The following RSL1D1 variants were observed in gnomAD, a reference collection of about 807,000 sequenced individuals.
RSL1D1 encodes ribosomal L1 domain-containing protein 1.
RSL1D1 carries 34 observed loss-of-function variants against 44.6 expected under a neutral mutation model. The ratio of observed to expected loss-of-function variants is 0.76; its 90% CI spans 0.58 to 1.02. The LOEUF (loss-of-function observed/expected upper bound fraction) is 1.02, where lower values mean the gene tolerates loss of function less well. Ranked by LOEUF, RSL1D1 falls within the 50% of genes least tolerant of loss-of-function variation. The pLI, the probability that RSL1D1 is intolerant of heterozygous loss-of-function variation, is 0.00. For missense variants in RSL1D1, 767 were observed against 568.1 expected (o/e 1.35, Z -3.56); for synonymous variants, 271 against 207.4 (o/e 1.31, Z -2.63).
In RSL1D1 at chr16:11,842,001, C is replaced by A; in HGVS notation, c.636-1G>T. The stretch of plus-strand genomic sequence containing the variant: ...TCCAACGTGACCAATACGTATAGCA[C>A]TGAAATTTAATATAGTATTAGACAA... On this transcript the variant is annotated splice_acceptor_variant, in intron 5 of 8. Transcript: ENST00000571133. LOFTEE classifies it high-confidence loss of function. 6.2e-7 allele frequency: 1 copy of A among 1,604,210 alleles called. No homozygotes were observed. Among genetic ancestry groups the A allele is most frequent in the Non-Finnish European group, 8.5e-7 (1 of 1,174,372 alleles).
rs772278028 is a variant in RSL1D1, at chr16:11,837,910, A to G, written c.1350T>C (p.Asp450=). Residue 450 remains aspartate, a synonymous_variant, in exon 9 of 9, where the codon GAT becomes GAC. Transcript: ENST00000571133. ...KEKSPSLGKK[D]ARQTPKKPEA... The stretch of plus-strand genomic sequence containing the variant: ...CTGGCTTTTTTGGAGTCTGTCTCGC[A>G]TCTTTTTTCCCCAGCGAAGGACTTT... 20 of 1,613,998 alleles carry G rather than the reference A, an allele frequency of 1.2e-5. No homozygotes were observed. Among genetic ancestry groups the G allele is most frequent in the Admixed American group, 1.7e-5 (1 of 59,970 alleles).
chr16:11,841,620 T>C, intron 7 of RSL1D1, 75 bp downstream of exon 7: 7 of 1,373,432 alleles, frequency 5.1e-6, no homozygotes, highest in Non-Finnish European at 7.0e-6. Context: ...GCAGCGATGA[T>C]GGTCTACTTC....
intron 5 of RSL1D1, among the ~76,000 whole-genome samples, chr16:11,844,208 G>C (rs2053783359): frequency 1.3e-5 from 2 of 152,366 alleles, no homozygotes; most frequent in South Asian, 4.1e-4. Flanking sequence ...GGGAAGAAGG[G>C]AGAGGAACAG....
In RSL1D1 at chr16:11,837,869, G is replaced by A; in HGVS notation, c.1391C>T (p.Thr464Ile). The part of the protein sequence containing the change: ...TPKKPEAKFF[T>I]TPSKSVRKAS... ...TTTTCTCACAGATTTACTAGGAGTG[G>A]TGAAAAACTTGGCCTCTGGCTTTTT... The change falls in exon 9 of 9, where the codon ACC becomes ATC. Residue 464 changes from threonine to isoleucine, a missense_variant. Coordinates refer to ENST00000571133, the MANE Select transcript of RSL1D1 (RefSeq NM_015659.3). 1 of 1,614,032 alleles carries A rather than the reference G, an allele frequency of 6.2e-7. No homozygotes were observed. The highest frequency in any genetic ancestry group is 8.5e-7 in the Non-Finnish European group (1 of 1,180,014).
In RSL1D1 at chr16:11,841,711, A is replaced by C; in HGVS notation, c.839T>G (p.Leu280Arg). ...TCTACTAACTTTTTTCTTCTTATTA[A>C]GCAAAGATCTTTTGGTGGCTTCATC... is the stretch of plus-strand genomic sequence containing the variant. The part of the protein sequence containing the change: ...NWDEATKRSL[L>R]NKKKKEARRK... Residue 280 changes from leucine (L) to arginine (R), a missense_variant, in exon 7 of 9, where the codon CTT becomes CGT. Coordinates refer to ENST00000571133, the MANE Select transcript of RSL1D1 (RefSeq NM_015659.3). 1 of 1,611,822 alleles carries C rather than the reference A, an allele frequency of 6.2e-7. No individual in the cohort carries two copies. The highest frequency in any genetic ancestry group is 8.5e-7 in the Non-Finnish European group (1 of 1,179,352).
chr16:11,839,526 T>TAAAAAAAAAAAAAAAAAAAAAAAA (rs55657359), intron 8 of RSL1D1, among the ~76,000 whole-genome samples, 169 bp downstream of exon 8: 1 of 121,446 alleles, frequency 8.2e-6, no homozygotes. Flanking sequence ...AGATCCCATC[T>TAAAAAAAAAAAAAAAAAAAAAAAA]AAAAAAAAAA....
rs1200326666 is a variant in RSL1D1, at chr16:11,841,948, T to C, written c.688A>G (p.Ile230Val). The C allele has an allele frequency of 6.2e-7, 1 of 1,614,058 alleles. No homozygotes were observed. The highest frequency in any genetic ancestry group is 1.7e-5 in the Admixed American group (1 of 60,004). ...GMQIEHIIENIVAVTKGLSEK... is the reference protein window; with the variant it reads ...GMQIEHIIENVVAVTKGLSEK... Reference sequence around the variant, plus strand: ...GAAAGTCCTTTGGTGACAGCAACAATGTTTTCAATGATGTGCTCAATTTGC... The same window carrying C: ...GAAAGTCCTTTGGTGACAGCAACAACGTTTTCAATGATGTGCTCAATTTGC... Residue 230 changes from isoleucine to valine, a missense_variant, in exon 6 of 9, where the codon ATT (isoleucine) becomes GTT (valine). Transcript: ENST00000571133.
At chr16:11,846,866 A>C (rs767182410) in intron 3 of RSL1D1, 23 bp from the exon 4 acceptor site, 2 of 1,566,700 alleles carry the variant, frequency 1.3e-6, no homozygotes, top group Non-Finnish European at 1.7e-6. Context: ...GAGAAGAATA[A>C]AAACAAGAAG....
In RSL1D1 at chr16:11,839,858, G is replaced by A. The variant is rs1169874092; in HGVS notation, c.983C>T (p.Thr328Ile). The A allele has an allele frequency of 1.9e-6, 3 of 1,614,062 alleles. No individual in the cohort carries two copies. In the African/African-American group the frequency reaches 4.0e-5, roughly 22 times the overall value. Residue 328 changes from threonine (T) to isoleucine (I), a missense_variant, in exon 8 of 9, where the codon ACT (threonine) becomes ATT (isoleucine). Physicochemically the swap from Thr to Ile is moderately conservative, Grantham distance 89 (BLOSUM62 -1). Transcript: ENST00000571133. ...KDDVAPESGD[T>I]TVKKPESKKE... ...CTTTGATTCAGGTTTCTTCACTGTA[G>A]TATCACCACTTTCAGGTGCCACATC...
chr16:11,847,928 G>A, intron 2 of RSL1D1, 122 bp from the exon 3 acceptor site: 1 of 956,260 alleles, frequency 1.0e-6, no homozygotes, highest in East Asian at 2.6e-5. Flanking sequence ...TGCTAGTTAA[G>A]CAAATAATGC....
rs894439366 is a variant in RSL1D1, at chr16:11,834,923, G to A, written c.*2864C>T. 2.0e-5 allele frequency: 3 copies of A among 152,134 alleles called. No individual in the cohort carries two copies. Among genetic ancestry groups the A allele is most frequent in the Non-Finnish European group, 4.4e-5 (3 of 68,044 alleles). 9.4% of individuals were successfully genotyped at this position (152,134 alleles called of 1,614,324 possible). On this transcript the variant is annotated 3_prime_UTR_variant, in exon 9 of 9. Coordinates refer to ENST00000571133, the MANE Select transcript of RSL1D1 (RefSeq NM_015659.3). ...CCCAGGAGTTCGAGCCCAGCCTAGGGAACACAGGGAAAACCCATCTCTACG... is the reference window on the plus strand; with the variant it reads ...CCCAGGAGTTCGAGCCCAGCCTAGGAAACACAGGGAAAACCCATCTCTACG...
chr16:11,851,478 G>C lies in RSL1D1; in HGVS notation c.35C>G (p.Ala12Gly). Reference protein sequence around the residue: ...EDSASASLSSAAATGTSTSTP... With the variant: ...EDSASASLSSGAATGTSTSTP... ...CGAGGTGGAGGTTCCAGTAGCGGCT[G>C]CAGAAGACAGCGAGGCCGAGGCCGA... The change falls in exon 1 of 9, where the codon GCA becomes GGA. Residue 12 changes from alanine to glycine, a missense_variant. Transcript: ENST00000571133. 6.2e-7 allele frequency: 1 copy of C among 1,614,032 alleles called. No individual in the cohort carries two copies. Among genetic ancestry groups the C allele is most frequent in the Non-Finnish European group, 8.5e-7 (1 of 1,179,980 alleles).
At chr16:11,851,228 G>A in intron 1 of RSL1D1, 180 bp downstream of exon 1, 1 of 663,880 alleles carries the variant, frequency 1.5e-6, no homozygotes, top group Non-Finnish European at 2.7e-6. Context: ...GCAGGACCAG[G>A]GAAAGCAGGC....
At position 11,847,989 on chromosome 16, in the gene RSL1D1, A is replaced by G. The variant is rs111736294; in HGVS notation, c.246-183T>C. Among the ~76,000 whole-genome samples the G allele has an allele frequency of 1.3e-3, 200 of 152,320 alleles. 1 individual carries two copies. Among genetic ancestry groups the G allele is most frequent in the African/African-American group, 4.5e-3 (188 of 41,576 alleles). On this transcript the variant is annotated intron_variant, in intron 2 of 8. Transcript: ENST00000571133. The stretch of plus-strand genomic sequence containing the variant: ...TTTCATGGCCGGTAGTAGTGGCTCA[A>G]GCCTGTAATCCCACACTTTAGGGAG...
At chr16:11,838,725 C>T (rs966235085) in intron 8 of RSL1D1, among the ~76,000 whole-genome samples, 1 of 150,946 alleles carries the variant, frequency 6.6e-6, no homozygotes, top group Non-Finnish European at 1.5e-5. Context: ...GGCATGTTGG[C>T]ACACACCTGT....
At position 11,851,476 on chromosome 16, in the gene RSL1D1, C is replaced by A. The variant is rs1162665785; in HGVS notation, c.37G>T (p.Ala13Ser). 3 of 1,614,086 alleles carry A rather than the reference C, an allele frequency of 1.9e-6. No homozygotes were observed. Among genetic ancestry groups the A allele is most frequent in the East Asian group, 2.2e-5 (1 of 44,882 alleles). Residue 13 changes from alanine to serine, a missense_variant, in exon 1 of 9, where the codon GCC becomes TCC. Ala to Ser is a moderately conservative substitution (Grantham distance 99). Coordinates refer to ENST00000571133, the MANE Select transcript of RSL1D1 (RefSeq NM_015659.3). ...DSASASLSSA[A>S]ATGTSTSTPA... ...GTCGAGGTGGAGGTTCCAGTAGCGGCTGCAGAAGACAGCGAGGCCGAGGCC... is the reference window on the plus strand; with the variant it reads ...GTCGAGGTGGAGGTTCCAGTAGCGGATGCAGAAGACAGCGAGGCCGAGGCC...
chr16:11,845,149 G>C (rs2053788493), intron 5 of RSL1D1, among the ~76,000 whole-genome samples: 1 of 152,190 alleles, frequency 6.6e-6, no homozygotes, highest in Non-Finnish European at 1.5e-5. Flanking sequence ...GGGTAATATG[G>C]TGCTTTTAAA....
chr16:11,839,443 A>G (rs1018357843), intron 8 of RSL1D1, among the ~76,000 whole-genome samples: 3 of 149,906 alleles, frequency 2.0e-5, no homozygotes, highest in African/African-American at 7.4e-5. Context: ...TTGTAATCCC[A>G]GCACTTTGGG....
In RSL1D1 at chr16:11,842,791, T is replaced by C. The variant is rs2053771524; in HGVS notation, c.636-791A>G. Among the ~76,000 whole-genome samples, 3 of 152,034 alleles carry C rather than the reference T, an allele frequency of 2.0e-5. No individual in the cohort carries two copies. The South Asian group carries it at 6.2e-4, about 32-fold the overall frequency. On this transcript the variant is annotated intron_variant, in intron 5 of 8. Transcript: ENST00000571133. The stretch of plus-strand genomic sequence containing the variant: ...TTTTTTTTTGAGATGGAGTTTGCTC[T>C]GTCGCCCAGGCTGAAGTGCAGTGAC...
Sources: gnomAD v4.1 joint callset for allele counts (sites outside exome capture counted in the v4.1 genomes callset) on GRCh38, gnomAD v4.1.1 for gene constraint, MANE v1.5 for transcripts, NCBI Gene and HGNC (gene_info 2026-07-23, HGNC 2026-07-21) for gene names.